The following UBR1 variants were observed in gnomAD, a reference collection of about 807,000 sequenced individuals.
The protein encoded by UBR1 is E3 ubiquitin-protein ligase UBR1.
In UBR1, 102 loss-of-function variants were observed where a neutral mutation model predicts 242.1. The ratio of observed to expected loss-of-function variants is 0.42; its 90% confidence interval spans 0.36 to 0.50. The LOEUF (loss-of-function observed/expected upper bound fraction) is 0.50. UBR1 is among the 20% of genes least tolerant of loss of function. The pLI, the probability that UBR1 is intolerant of heterozygous loss-of-function variation, is 0.01. For missense variants in UBR1, 1,772 were observed against 2,101.8 expected, an observed-to-expected ratio of 0.84 and a Z score of 3.07; for synonymous variants, 675 against 684.8, an observed-to-expected ratio of 0.99 and a Z score of 0.22.
At chr15:43,065,487 G>A (rs2033741048) in intron 6 of UBR1, among the ~76,000 whole-genome samples, 1 of 152,058 alleles carries the variant, frequency 6.6e-6, no homozygotes, top group African/African-American at 2.4e-5. Context: ...ATCCATTAGC[G>A]ATTCTTCCTG....
chr15:43,027,862 C>T, intron 21 of UBR1, 34 bp from the exon 22 acceptor site: 1 of 1,521,884 alleles, frequency 6.6e-7, no homozygotes, highest in Non-Finnish European at 9.1e-7. Context: ...TTTTTACCTT[C>T]ATATAATGAC....
At chr15:43,005,283 G>A (rs1291608356) in intron 30 of UBR1, among the ~76,000 whole-genome samples, 1 of 151,550 alleles carries the variant, frequency 6.6e-6, no homozygotes, top group Non-Finnish European at 1.5e-5. Flanking sequence ...CCTTCCGGGA[G>A]GGAGGTGGGG....
Position 43,043,380 on chromosome 15 carries a change from C to A in UBR1, c.1684G>T (p.Val562Leu). Residue 562 changes from valine (V) to leucine (L), a missense_variant, in exon 15 of 47, where the codon GTG (valine) becomes TTG (leucine). Val to Leu is a conservative substitution (Grantham distance 32). This residue lies in a region of UBR1 where 734 missense variants were observed against 893.3 expected (regional missense o/e 0.82). Coordinates refer to ENST00000290650, the MANE Select transcript of UBR1 (RefSeq NM_174916.3). Reference sequence around the variant, plus strand: ...GCTTTGTGACATTCTTTATAAGCCACAAGTAAGAGTTCTTCCTAAGAGGAA... The same window carrying A: ...GCTTTGTGACATTCTTTATAAGCCAAAAGTAAGAGTTCTTCCTAAGAGGAA... ...WCACDEELLL[V>L]AYKECHKAVM... 1.2e-6 allele frequency: 2 copies of A among 1,613,956 alleles called. No homozygotes were observed. Among genetic ancestry groups the A allele is most frequent in the Non-Finnish European group, 1.7e-6 (2 of 1,179,996 alleles).
intron 1 of UBR1, among the ~76,000 whole-genome samples, chr15:43,086,492 T>C (rs1431359096): frequency 1.3e-5 from 2 of 151,552 alleles, no homozygotes; most frequent in Admixed American, 1.3e-4. Flanking sequence ...CCTTCCCTTC[T>C]GAAATGGCCA....
chr15:43,085,833 T>A (rs2034028743), intron 2 of UBR1, 151 bp downstream of exon 2: 1 of 844,228 alleles, frequency 1.2e-6, no homozygotes. Flanking sequence ...GGAGAATTGC[T>A]TGAACCTGGG....
At chr15:43,012,399 T>C (rs1336856505) in intron 29 of UBR1, among the ~76,000 whole-genome samples, 1 of 152,122 alleles carries the variant, frequency 6.6e-6, no homozygotes, top group East Asian at 1.9e-4. Flanking sequence ...TATAAATGCA[T>C]AGAAAGAGGT....
intron 20 of UBR1, among the ~76,000 whole-genome samples, chr15:43,031,209 G>A (rs754271382): frequency 6.6e-6 from 1 of 151,248 alleles, no homozygotes; most frequent in South Asian, 2.1e-4. Context: ...TGAGAGTAAT[G>A]AACTTAAACT....
At chr15:43,099,730 A>C (rs937741192) in intron 1 of UBR1, among the ~76,000 whole-genome samples, 1 of 152,216 alleles carries the variant, frequency 6.6e-6, no homozygotes, top group Non-Finnish European at 1.5e-5. Context: ...AGCTGTGAAC[A>C]AGCAACAGTT....
chr15:43,073,888 A>T (rs1177850966), intron 4 of UBR1, among the ~76,000 whole-genome samples: 1 of 152,228 alleles, frequency 6.6e-6, no homozygotes. Flanking sequence ...AATGGTACTT[A>T]AAAGATCAAC....
At chr15:42,960,598 A>G (rs1371698660) in intron 43 of UBR1, 47 bp downstream of exon 43, 6 of 1,590,742 alleles carry the variant, frequency 3.8e-6, no homozygotes, top group East Asian at 2.2e-5. Flanking sequence ...TACTTTAGGA[A>G]ACACAACTTG....
At position 43,099,899 on chromosome 15, in the gene UBR1, G is replaced by A. The variant is rs747377865; in HGVS notation, c.81+6043C>T. On this transcript the variant is annotated intron_variant, in intron 1 of 46. Transcript: ENST00000290650. ...GTGCCTCTTTTTTTTTTTTTTAGAC[G>A]GAGTCTCACTCTGTCGCCCAGACTG... 4.7e-5 allele frequency among the ~76,000 whole-genome samples: 7 copies of A among 149,338 alleles called. No homozygotes were observed. In the South Asian group the frequency reaches 6.4e-4, roughly 14 times the overall value.
intron 12 of UBR1, among the ~76,000 whole-genome samples, chr15:43,052,290 G>GT (rs556374762): frequency 6.3e-4 from 96 of 152,322 alleles, no homozygotes; most frequent in African/African-American, 2.2e-3. Context: ...GACCTGGCAG[G>GT]TATGACTGCT....
At chr15:42,965,941 G>A (rs1226160535) in intron 41 of UBR1, among the ~76,000 whole-genome samples, 3 of 152,220 alleles carry the variant, frequency 2.0e-5, no homozygotes, top group Non-Finnish European at 4.4e-5. Flanking sequence ...ATAGATAGGA[G>A]CGAAGAGTAG....
intron 1 of UBR1, among the ~76,000 whole-genome samples, chr15:43,096,130 G>T (rs116064885): frequency 0.029 from 4,396 of 151,840 alleles, 210 homozygotes; most frequent in African/African-American, 0.095. Flanking sequence ...TGACTGATTA[G>T]GTTGGTGATT....
intron 15 of UBR1, among the ~76,000 whole-genome samples, chr15:43,040,096 T>G (rs1342702897): frequency 1.3e-5 from 2 of 152,168 alleles, no homozygotes; most frequent in Non-Finnish European, 2.9e-5. Context: ...GGGAAAAAAC[T>G]GCTTTCAAGT....
intron 29 of UBR1, among the ~76,000 whole-genome samples, chr15:43,015,352 T>C (rs926706017): frequency 9.2e-5 from 14 of 152,132 alleles, no homozygotes; most frequent in Admixed American, 2.0e-4. Flanking sequence ...CCCCCAACCC[T>C]GTGCTCTCTG....
At chr15:43,002,764 T>C in intron 31 of UBR1, 60 bp from the exon 32 acceptor site, 3 of 1,597,116 alleles carry the variant, frequency 1.9e-6, no homozygotes, top group Non-Finnish European at 1.7e-6. Context: ...TACATGTGTA[T>C]CTCTACTTGC....
At chr15:43,007,324 G>C in intron 29 of UBR1, 40 bp from the exon 30 acceptor site, 1 of 1,595,024 alleles carries the variant, frequency 6.3e-7, no homozygotes. Flanking sequence ...CACATGTTTT[G>C]GTCACTTGTC....
At chr15:43,019,666 T>C (rs2033078547) in intron 27 of UBR1, among the ~76,000 whole-genome samples, 1 of 142,634 alleles carries the variant, frequency 7.0e-6, no homozygotes, top group South Asian at 2.3e-4. Context: ...CACTGCAACC[T>C]CCGCCCTCAG....
Sources: gnomAD v4.1 joint callset for allele counts (sites outside exome capture counted in the v4.1 genomes callset) on GRCh38, gnomAD v4.1.1 for gene constraint, gnomAD v4.1.1 regional missense constraint, MANE v1.5 for transcripts, NCBI Gene and HGNC (gene_info 2026-07-23, HGNC 2026-07-21) for gene names.